The following NDST3 variants were observed in gnomAD, a reference collection of about 807,000 sequenced individuals.
The protein encoded by NDST3 is N-deacetylase and N-sulfotransferase 3.
In NDST3, 58 loss-of-function variants were observed where a neutral mutation model predicts 96.1. The observed-to-expected ratio is 0.60, with a 90% CI of 0.49 to 0.75. The LOEUF (loss-of-function observed/expected upper bound fraction) is 0.75, where lower values mean the gene tolerates loss of function less well. Ranked by LOEUF, NDST3 falls within the 30% of genes least tolerant of loss-of-function variation. The pLI is 0.00. For missense variants in NDST3, 788 were observed against 1,034.2 expected, an observed-to-expected ratio of 0.76 and a Z score of 3.27; for synonymous variants, 333 against 359.7, an observed-to-expected ratio of 0.93 and a Z score of 0.84.
intron 2 of NDST3, among the ~76,000 whole-genome samples, chr4:118,082,266 G>A (rs1390547211): frequency 6.6e-6 from 1 of 152,202 alleles, no homozygotes; most frequent in African/African-American, 2.4e-5. Flanking sequence ...GTCAAGAGCA[G>A]TGAAGAGTCT....
At chr4:118,215,904 G>T (rs1236597659) in intron 6 of NDST3, among the ~76,000 whole-genome samples, 2 of 152,026 alleles carry the variant, frequency 1.3e-5, no homozygotes, top group Non-Finnish European at 2.9e-5. Context: ...TGAACAGAAG[G>T]CCTCCAGAGA....
At chr4:118,105,911 C>T (rs1052671271) in intron 3 of NDST3, among the ~76,000 whole-genome samples, 2 of 152,092 alleles carry the variant, frequency 1.3e-5, no homozygotes, top group Non-Finnish European at 2.9e-5. Flanking sequence ...AATGGTTGTA[C>T]CTGTTTATAT....
intron 6 of NDST3, among the ~76,000 whole-genome samples, chr4:118,222,979 A>G (rs1393783052): frequency 6.6e-6 from 1 of 152,026 alleles, no homozygotes; most frequent in Non-Finnish European, 1.5e-5. Flanking sequence ...AATATGACAC[A>G]TATAGACTTA....
At position 118,257,740 on chromosome 4, in the gene NDST3, T is replaced by A. The variant is rs1024206141; in HGVS notation, c.*2028T>A. ...TTAAATATACTATTAGCAGAAAAAA[T>A]TGGAAAAATCACCAATTTTTAAGAC... On this transcript the variant is annotated 3_prime_UTR_variant, in exon 14 of 14. Coordinates refer to ENST00000296499, the MANE Select transcript of NDST3 (RefSeq NM_004784.3). 6.6e-6 allele frequency: 1 copy of A among 152,106 alleles called. No individual in the cohort carries two copies. Among genetic ancestry groups the A allele is most frequent in the African/African-American group, 2.4e-5 (1 of 41,412 alleles). The allele number at this position is 152,106 out of a possible 1,614,324, so 9.4% of individuals were successfully genotyped here.
At chr4:118,200,978 A>G (rs1329496367) in intron 6 of NDST3, among the ~76,000 whole-genome samples, 1 of 152,036 alleles carries the variant, frequency 6.6e-6, no homozygotes, top group Non-Finnish European at 1.5e-5. Flanking sequence ...TATCGTTCTA[A>G]TATTTATGTC....
chr4:118,181,092 C>T (rs1273061246), intron 6 of NDST3, among the ~76,000 whole-genome samples: 1 of 152,124 alleles, frequency 6.6e-6, no homozygotes, highest in Non-Finnish European at 1.5e-5. Flanking sequence ...AACCTACTCA[C>T]GATTCTCAGG....
chr4:118,224,467 C>T (rs199530912), intron 6 of NDST3, 24 bp from the exon 7 acceptor site: 18 of 1,582,662 alleles, frequency 1.1e-5, no homozygotes, highest in East Asian at 4.5e-5. Context: ...GTTATTTACA[C>T]TGAAGTTCAT....
intron 10 of NDST3, among the ~76,000 whole-genome samples, chr4:118,238,286 G>C (rs1740814341): frequency 6.6e-6 from 1 of 152,106 alleles, no homozygotes; most frequent in South Asian, 2.1e-4. Flanking sequence ...ATGTCTAAAT[G>C]TTTCTTGTAT....
intron 2 of NDST3, among the ~76,000 whole-genome samples, chr4:118,064,096 G>T (rs1466536056): frequency 6.6e-6 from 1 of 152,130 alleles, no homozygotes; most frequent in Non-Finnish European, 1.5e-5. Context: ...GGATGAATTA[G>T]AGTGGCATAG....
intron 3 of NDST3, among the ~76,000 whole-genome samples, chr4:118,108,924 T>C (rs981969337): frequency 3.9e-5 from 6 of 152,210 alleles, no homozygotes; most frequent in Admixed American, 6.5e-5. Context: ...TTGACTTTGT[T>C]TTATGATTCA....
chr4:118,179,840 T>C (rs930449235), intron 6 of NDST3, among the ~76,000 whole-genome samples: 33 of 152,212 alleles, frequency 2.2e-4, no homozygotes, highest in African/African-American at 5.3e-4. Context: ...ATTTAGTAAG[T>C]AATGTATCCA....
chr4:118,227,110 A>G (rs1739935587), intron 8 of NDST3, 128 bp downstream of exon 8: 1 of 670,184 alleles, frequency 1.5e-6, no homozygotes, highest in Admixed American at 2.9e-5. Flanking sequence ...TTTCTCTGAC[A>G]TAATTTTCAT....
chr4:118,042,565 T>C (rs1724531104), intron 1 of NDST3, among the ~76,000 whole-genome samples: 1 of 152,236 alleles, frequency 6.6e-6, no homozygotes, highest in South Asian at 2.1e-4. Flanking sequence ...CAATGCTCTT[T>C]ATTTTCAAGC....
chr4:118,074,379 A>G (rs147561929), intron 2 of NDST3, among the ~76,000 whole-genome samples: 3 of 152,278 alleles, frequency 2.0e-5, no homozygotes, highest in East Asian at 3.9e-4. Flanking sequence ...GTGGTTATCT[A>G]GATCCCTCCA....
intron 12 of NDST3, among the ~76,000 whole-genome samples, chr4:118,242,600 A>G (rs911200045): frequency 1.3e-5 from 2 of 152,216 alleles, no homozygotes; most frequent in Non-Finnish European, 2.9e-5. Context: ...TGATTGAATA[A>G]GCAGAGAGAG....
chr4:118,043,660 C>A (rs933167478), intron 1 of NDST3, among the ~76,000 whole-genome samples: 32 of 152,188 alleles, frequency 2.1e-4, no homozygotes, highest in African/African-American at 7.5e-4. Context: ...ACGGTGCCAC[C>A]TTCCACAGGA....
At chr4:118,075,017 C>T (rs1727395433) in intron 2 of NDST3, among the ~76,000 whole-genome samples, 1 of 152,038 alleles carries the variant, frequency 6.6e-6, no homozygotes, top group South Asian at 2.1e-4. Context: ...TCATCATTTA[C>T]ATTAGGTATT....
intron 1 of NDST3, among the ~76,000 whole-genome samples, chr4:118,045,067 C>A (rs1724686300): frequency 6.6e-6 from 1 of 152,158 alleles, no homozygotes; most frequent in Non-Finnish European, 1.5e-5. Context: ...ACTCTCAAGT[C>A]TTAGCATAAT....
chr4:118,151,911 A>G (rs980266107), intron 6 of NDST3, among the ~76,000 whole-genome samples: 6 of 151,470 alleles, frequency 4.0e-5, no homozygotes, highest in Admixed American at 3.9e-4. Flanking sequence ...TCCTCTGCAG[A>G]CTCTTTCAAA....
Sources: gnomAD v4.1 joint callset for allele counts (sites outside exome capture counted in the v4.1 genomes callset) on GRCh38, gnomAD v4.1.1 for gene constraint, MANE v1.5 for transcripts, NCBI Gene and HGNC (gene_info 2026-07-23, HGNC 2026-07-21) for gene names.